Variants in SYTL3 observed in about 807,000 individuals in gnomAD.
The protein encoded by SYTL3 is synaptotagmin like 3, also known as synaptotagmin-like protein 3.
A neutral mutation model predicts 82.1 loss-of-function variants in SYTL3; 88 were observed. That is an observed-to-expected ratio of 1.07 (90% CI 0.90 to 1.28). The LOEUF is 1.28. Ranked by LOEUF, SYTL3 falls within the 50% of genes most tolerant of loss-of-function variation. The probability of loss-of-function intolerance (pLI) is 0.00; values close to 1 mark genes in which losing one functional copy is unlikely to be tolerated. For synonymous variants in SYTL3, 311 were observed against 289.4 expected, an observed-to-expected ratio of 1.07 and a Z score of -0.76; for missense variants, 831 against 757.6, an observed-to-expected ratio of 1.10 and a Z score of -1.14.
chr6:158,658,280 A>AT lies in SYTL3; in HGVS notation c.-636-2980dup, dbSNP rs887013761. Among the ~76,000 whole-genome samples the AT allele has an allele frequency of 4.6e-5, 7 of 151,920 alleles. No homozygotes were observed. In the East Asian group the frequency reaches 1.2e-3, roughly 25 times the overall value. On this transcript the variant is annotated intron_variant, in intron 2 of 17. Coordinates refer to ENST00000611299, the MANE Select transcript of SYTL3 (RefSeq NM_001242394.2). ...GAGTTAAATTCTGTTGTTAATTAAA[A>AT]TTTTTTTTTGCCTAAATGACTTGTA...
At chr6:158,660,861 C>T (rs772638332) in intron 2 of SYTL3, among the ~76,000 whole-genome samples, 9 of 152,172 alleles carry the variant, frequency 5.9e-5, no homozygotes, top group Non-Finnish European at 1.3e-4. Context: ...GAGCCCAGAC[C>T]AGCCTGCGCA....
At chr6:158,748,487 T>C (rs1451445145) in intron 12 of SYTL3, among the ~76,000 whole-genome samples, 4 of 152,184 alleles carry the variant, frequency 2.6e-5, no homozygotes, top group Admixed American at 2.0e-4. Flanking sequence ...GGAATGCAGT[T>C]AAAGCAGTGC....
At chr6:158,702,984 C>T (rs924697432) in intron 6 of SYTL3, among the ~76,000 whole-genome samples, 4 of 151,760 alleles carry the variant, frequency 2.6e-5, no homozygotes, top group Non-Finnish European at 5.9e-5. Flanking sequence ...GAAACCCCAT[C>T]TCTACTAAAA....
intron 6 of SYTL3, among the ~76,000 whole-genome samples, chr6:158,686,473 T>G (rs945077143): frequency 1.3e-5 from 2 of 152,112 alleles, no homozygotes; most frequent in Admixed American, 1.3e-4. Context: ...AATGCCAGGT[T>G]AGGAGCACAC....
intron 6 of SYTL3, among the ~76,000 whole-genome samples, chr6:158,695,071 C>G (rs545864924): frequency 6.6e-6 from 1 of 152,238 alleles, no homozygotes; most frequent in Non-Finnish European, 1.5e-5. Flanking sequence ...GCCCATCACC[C>G]TGCTTTTGTA....
At chr6:158,726,101 G>T in intron 11 of SYTL3, 1 of 428,900 alleles carries the variant, frequency 2.3e-6, no homozygotes, top group Non-Finnish European at 4.5e-6. Context: ...GAATGTAATA[G>T]TTATCAAAAA....
intron 11 of SYTL3, among the ~76,000 whole-genome samples, chr6:158,744,226 GT>G (rs1413228244): frequency 2.1e-5 from 3 of 140,948 alleles, no homozygotes; most frequent in African/African-American, 5.2e-5. Context: ...CTCAGTTGCT[GT>G]TTTTTTTTTC....
chr6:158,724,350 A>AT, intron 10 of SYTL3, among the ~76,000 whole-genome samples: 1 of 152,278 alleles, frequency 6.6e-6, no homozygotes, highest in African/African-American at 2.4e-5. Context: ...CCTTTCTTTC[A>AT]TTTGTTCTAT....
At chr6:158,735,487 C>T (rs1786024731) in intron 11 of SYTL3, among the ~76,000 whole-genome samples, 1 of 152,158 alleles carries the variant, frequency 6.6e-6, no homozygotes, top group African/African-American at 2.4e-5. Flanking sequence ...GAATCGTAAC[C>T]TGTTCCCTTT....
intron 11 of SYTL3, among the ~76,000 whole-genome samples, chr6:158,743,598 CTTTTTTTTTT>C (rs397887964): frequency 0.067 from 4,213 of 63,014 alleles, 125 homozygotes; most frequent in South Asian, 0.12. Flanking sequence ...CCAGTCCAAG[CTTTTTTTTTT>C]TTTTTTTTTT....
intron 10 of SYTL3, among the ~76,000 whole-genome samples, chr6:158,720,425 AG>A (rs1783971251): frequency 6.6e-6 from 1 of 150,760 alleles, no homozygotes; most frequent in African/African-American, 2.4e-5. Context: ...AAAAAAAAAA[AG>A]CCTGAGTTTT....
intron 7 of SYTL3, 80 bp downstream of exon 7, chr6:158,707,361 TCTTGA>T (rs1782218578): frequency 8.2e-7 from 1 of 1,219,852 alleles, no homozygotes; most frequent in African/African-American, 1.5e-5. Context: ...CTTATAGGTC[TCTTGA>T]CTTTCACATG....
rs1789919152 is a variant in SYTL3 at position 158,665,403 on chromosome 6, A to T, written c.119A>T (p.Lys40Ile). The part of the protein sequence containing the change: ...NTEEERTRKL[K>I]THLQHLRWKG... ...AACTCTGAGGGCTGCAGGAAACTGA[A>T]AACACACCTGCAGCATCTCCGGTGG... Residue 40 changes from lysine (K) to isoleucine (I), a missense_variant, in exon 5 of 18, where the codon AAA becomes ATA. Physicochemically the swap from Lys to Ile is moderately radical, Grantham distance 102. Coordinates refer to ENST00000611299, the MANE Select transcript of SYTL3 (RefSeq NM_001242394.2). 1 of 1,591,238 alleles carries T rather than the reference A, an allele frequency of 6.3e-7. No homozygotes were observed. The highest frequency in any genetic ancestry group is 1.8e-5 in the Admixed American group (1 of 56,318).
At chr6:158,760,869 C>A in intron 15 of SYTL3, 124 bp downstream of exon 15, 1 of 727,630 alleles carries the variant, frequency 1.4e-6, no homozygotes, top group African/African-American at 1.8e-5. Context: ...GTGCCCAGCT[C>A]CAGCAGCTCT....
chr6:158,667,390 C>T (rs1790205429), intron 5 of SYTL3, among the ~76,000 whole-genome samples: 1 of 152,158 alleles, frequency 6.6e-6, no homozygotes, highest in African/African-American at 2.4e-5. Flanking sequence ...AGTGCATTAA[C>T]AGGAGAAGTC....
At chr6:158,745,066 C>T (rs1332432351) in intron 11 of SYTL3, among the ~76,000 whole-genome samples, 1 of 152,064 alleles carries the variant, frequency 6.6e-6, no homozygotes, top group Non-Finnish European at 1.5e-5. Flanking sequence ...GCATTTGAGT[C>T]CAGGTCTATC....
intron 6 of SYTL3, among the ~76,000 whole-genome samples, chr6:158,686,151 A>T (rs1024267565): frequency 6.6e-6 from 1 of 152,238 alleles, no homozygotes; most frequent in African/African-American, 2.4e-5. Flanking sequence ...GAAGTATGTT[A>T]TCAAGGTGAC....
chr6:158,723,395 CT>C (rs1163460336), intron 10 of SYTL3, among the ~76,000 whole-genome samples: 1 of 152,092 alleles, frequency 6.6e-6, no homozygotes, highest in Non-Finnish European at 1.5e-5. Context: ...CTTTTTAAGG[CT>C]TTTAGTTCAT....
chr6:158,755,027 TTGAA>T (rs1298346934), intron 13 of SYTL3, among the ~76,000 whole-genome samples: 1 of 151,810 alleles, frequency 6.6e-6, no homozygotes, highest in African/African-American at 2.4e-5. Flanking sequence ...TAGACAGAGA[TTGAA>T]TGTGGGGCAG....
Sources: allele counts gnomAD v4.1 joint callset (sites outside exome capture counted in the v4.1 genomes callset), GRCh38; gene constraint gnomAD v4.1.1; transcripts MANE v1.5; gene names NCBI Gene and HGNC (gene_info 2026-07-23, HGNC 2026-07-21).